The following LTBP1 variants were observed in gnomAD, a reference collection of about 807,000 sequenced individuals.
The protein encoded by LTBP1 is latent transforming growth factor beta binding protein 1.
A neutral mutation model predicts 207.6 loss-of-function variants in LTBP1; 129 were observed. That is an observed-to-expected ratio of 0.62 (90% CI 0.54 to 0.72). The LOEUF is 0.72. Among genes scored for constraint, LTBP1 ranks in the 30% least tolerant of loss-of-function variants. The pLI is 0.00. For missense variants in LTBP1, 2,281 were observed against 2,217.2 expected (o/e 1.03, Z -0.58); for synonymous variants, 963 against 833.7 (o/e 1.16, Z -2.67).
intron 2 of LTBP1, among the ~76,000 whole-genome samples, chr2:32,987,912 C>T (rs219147): frequency 0.59 from 90,281 of 152,042 alleles, 28,748 homozygotes; most frequent in Non-Finnish European, 0.72. Context: ...GTTAAGGATC[C>T]TGAGATGAGG....
chr2:33,396,208 GT>G (rs2095356870), intron 32 of LTBP1, among the ~76,000 whole-genome samples: 1 of 150,874 alleles, frequency 6.6e-6, no homozygotes, highest in South Asian at 2.1e-4. Context: ...GTTTTGTTTT[GT>G]TTTGTTTTTT....
At position 32,948,877 on chromosome 2, in the gene LTBP1, T is replaced by C; in HGVS notation, c.497T>C (p.Val166Ala). ...QVHQKQQLQG[V>A]NVCGGRCCHG... is the part of the protein sequence containing the mutation. The stretch of plus-strand genomic sequence containing the variant: ...TCAGCGATCTTGCTTTGTTTCAGGG[T>C]CAATGTCTGTGGAGGGCGGTGCTGT... Residue 166 changes from valine to alanine, a missense_variant and splice_region_variant, in exon 2 of 34, where the codon GTC (valine) becomes GCC (alanine). Physicochemically the swap from Val to Ala is moderately conservative, Grantham distance 64. Coordinates refer to ENST00000404816, the MANE Select transcript of LTBP1 (RefSeq NM_206943.4). The C allele has an allele frequency of 6.2e-7, 1 of 1,614,092 alleles. No individual in the cohort carries two copies. Among genetic ancestry groups the C allele is most frequent in the Non-Finnish European group, 8.5e-7 (1 of 1,179,994 alleles).
chr2:33,088,081 T>C (rs981721652), intron 3 of LTBP1, among the ~76,000 whole-genome samples: 4 of 152,256 alleles, frequency 2.6e-5, no homozygotes, highest in African/African-American at 9.6e-5. Flanking sequence ...TCAAGTGCTA[T>C]AATACAAAGT....
At chr2:33,261,676 G>T (rs1298749833) in intron 13 of LTBP1, among the ~76,000 whole-genome samples, 1 of 152,214 alleles carries the variant, frequency 6.6e-6, no homozygotes, top group Admixed American at 6.5e-5. Flanking sequence ...TGTGGCACTG[G>T]TAGAAATGAA....
At chr2:32,950,768 G>A (rs1306668027) in intron 2 of LTBP1, among the ~76,000 whole-genome samples, 1 of 152,172 alleles carries the variant, frequency 6.6e-6, no homozygotes, top group African/African-American at 2.4e-5. Flanking sequence ...GAAGCTCCTT[G>A]ATGCCTGTTG....
chr2:33,371,940 C>T (rs1401730946), intron 31 of LTBP1, among the ~76,000 whole-genome samples: 1 of 152,212 alleles, frequency 6.6e-6, no homozygotes, highest in Non-Finnish European at 1.5e-5. Flanking sequence ...TCCCTTTGTC[C>T]ATGGTGTCCA....
At chr2:33,021,901 C>T (rs1391569136) in intron 3 of LTBP1, among the ~76,000 whole-genome samples, 4 of 152,178 alleles carry the variant, frequency 2.6e-5, no homozygotes, top group Admixed American at 1.3e-4. Flanking sequence ...CACTCAGCTG[C>T]ACCGGGTCCT....
intron 3 of LTBP1, among the ~76,000 whole-genome samples, chr2:33,035,101 C>T (rs776115374): frequency 2.0e-5 from 3 of 152,070 alleles, no homozygotes; most frequent in Non-Finnish European, 2.9e-5. Flanking sequence ...CCCTTGTTGC[C>T]GATGGATAGG....
chr2:33,138,042 C>T (rs916996004), intron 5 of LTBP1, among the ~76,000 whole-genome samples: 4 of 152,014 alleles, frequency 2.6e-5, no homozygotes, highest in African/African-American at 9.7e-5. Context: ...GCTCTTTGGG[C>T]CCAGCTCACC....
chr2:33,082,670 C>T (rs2078512943), intron 3 of LTBP1, among the ~76,000 whole-genome samples: 1 of 152,082 alleles, frequency 6.6e-6, no homozygotes, highest in African/African-American at 2.4e-5. Flanking sequence ...CGTGATCCGC[C>T]TGCCACAGCC....
chr2:33,300,145 G>T (rs1483220518), intron 20 of LTBP1, among the ~76,000 whole-genome samples: 1 of 152,098 alleles, frequency 6.6e-6, no homozygotes, highest in African/African-American at 2.4e-5. Flanking sequence ...ATTGCATCAG[G>T]TTCTGCCTTC....
intron 20 of LTBP1, among the ~76,000 whole-genome samples, chr2:33,293,815 T>G (rs1230633278): frequency 1.3e-5 from 2 of 152,146 alleles, no homozygotes; most frequent in African/African-American, 2.4e-5. Context: ...TTTTTGCCAT[T>G]TAATAGTATA....
intron 7 of LTBP1, among the ~76,000 whole-genome samples, chr2:33,208,650 C>T (rs1388774110): frequency 6.6e-6 from 1 of 152,068 alleles, no homozygotes; most frequent in African/African-American, 2.4e-5. Context: ...ATTGCCCTGC[C>T]ACGTAGCTCC....
At chr2:32,966,308 G>T (rs1558448601) in intron 2 of LTBP1, among the ~76,000 whole-genome samples, 1 of 151,916 alleles carries the variant, frequency 6.6e-6, no homozygotes, top group Non-Finnish European at 1.5e-5. Context: ...GTCTTTTTCA[G>T]GACAGAAGTT....
chr2:33,069,836 T>C (rs2149728163), intron 3 of LTBP1, among the ~76,000 whole-genome samples: 2 of 152,360 alleles, frequency 1.3e-5, no homozygotes, highest in South Asian at 2.1e-4. Context: ...GGCACAGTGC[T>C]TATGACTTAG....
chr2:32,977,215 C>T (rs989671116), intron 2 of LTBP1, among the ~76,000 whole-genome samples: 1 of 152,180 alleles, frequency 6.6e-6, no homozygotes, highest in Non-Finnish European at 1.5e-5. Flanking sequence ...TTTCCCAGGA[C>T]AACAGGAGGT....
chr2:33,051,711 G>C (rs1237779244), intron 3 of LTBP1, among the ~76,000 whole-genome samples: 1 of 152,140 alleles, frequency 6.6e-6, no homozygotes, highest in Non-Finnish European at 1.5e-5. Context: ...GAGCTGCTCT[G>C]GGTTTGCAGA....
intron 7 of LTBP1, among the ~76,000 whole-genome samples, chr2:33,190,090 C>A (rs1422570966): frequency 1.3e-5 from 2 of 152,070 alleles, no homozygotes; most frequent in South Asian, 2.1e-4. Flanking sequence ...TGAAGTGTAA[C>A]TTTAGGCCTA....
intron 19 of LTBP1, among the ~76,000 whole-genome samples, chr2:33,280,875 C>T (rs1329162726): frequency 6.6e-6 from 1 of 152,116 alleles, no homozygotes; most frequent in Non-Finnish European, 1.5e-5. Context: ...TTGACACCAG[C>T]CTGGGCAGCA....
Sources: gnomAD v4.1 joint callset for allele counts (sites outside exome capture counted in the v4.1 genomes callset) on GRCh38, gnomAD v4.1.1 for gene constraint, MANE v1.5 for transcripts, NCBI Gene and HGNC (gene_info 2026-07-23, HGNC 2026-07-21) for gene names.